The following LIPC variants were observed in gnomAD, a reference collection of about 807,000 sequenced individuals.
LIPC encodes lipase C, hepatic type.
Under a neutral mutation model 50.7 loss-of-function variants are expected in LIPC, and 44 were observed. The ratio of observed to expected loss-of-function variants is 0.87; its 90% CI spans 0.68 to 1.11. The LOEUF is 1.11. LIPC is among the 50% of genes most tolerant of loss of function. The probability of loss-of-function intolerance (pLI) is 0.00; values close to 1 mark genes in which losing one functional copy is unlikely to be tolerated. For synonymous variants in LIPC, 271 were observed against 256.4 expected (o/e 1.06, Z -0.54); for missense variants, 697 against 648.2 (o/e 1.08, Z -0.82).
At chr15:58,563,274 T>A (rs905215855) in intron 7 of LIPC, among the ~76,000 whole-genome samples, 1 of 152,212 alleles carries the variant, frequency 6.6e-6, no homozygotes, top group African/African-American at 2.4e-5. Context: ...GCCTTTTTGA[T>A]GTGTTAACCA....
At chr15:58,563,031 T>G (rs1369731482) in intron 7 of LIPC, among the ~76,000 whole-genome samples, 1 of 152,232 alleles carries the variant, frequency 6.6e-6, no homozygotes, top group South Asian at 2.1e-4. Context: ...CCTTTTTATG[T>G]GTAGTTTTTC....
At chr15:58,484,253 C>A (rs1481368345) in intron 1 of LIPC, among the ~76,000 whole-genome samples, 1 of 152,158 alleles carries the variant, frequency 6.6e-6, no homozygotes, top group Non-Finnish European at 1.5e-5. Flanking sequence ...TATTCCATTC[C>A]TACTCCATTT....
chr15:58,535,866 T>G (rs1346070917), intron 1 of LIPC, among the ~76,000 whole-genome samples: 2 of 152,212 alleles, frequency 1.3e-5, no homozygotes, highest in African/African-American at 2.4e-5. Flanking sequence ...AAAGGTGTAG[T>G]GTTTCAGTCT....
intron 1 of LIPC, among the ~76,000 whole-genome samples, chr15:58,531,318 C>A (rs1436754717): frequency 1.3e-5 from 2 of 152,192 alleles, no homozygotes; most frequent in Non-Finnish European, 2.9e-5. Flanking sequence ...TGAACCTACA[C>A]AGGGTGGAAT....
intron 3 of LIPC, 36 bp downstream of exon 3, chr15:58,542,003 C>T (rs777549184): frequency 3.2e-6 from 5 of 1,578,530 alleles, no homozygotes; most frequent in Non-Finnish European, 3.4e-6. Context: ...CACCTCCCTT[C>T]CCTCCTTTCC....
chr15:58,489,221 G>GT lies in LIPC; in HGVS notation c.89-49112_89-49111insT, dbSNP rs1464446857. On this transcript the variant is annotated intron_variant, in intron 1 of 8. Transcript: ENST00000299022. ...CATTAGGGATTCATTTTGTTGCGGG[G>GT]GCGGGGGGGCGGCTTACAAGCTTCC... Among the ~76,000 whole-genome samples the GT allele has an allele frequency of 2.3e-4, 23 of 100,566 alleles. 8 individuals carry two copies. In the East Asian group the frequency reaches 3.6e-3, roughly 16 times the overall value. The allele number at this position is 100,566 out of a possible 152,430, so 66.0% of individuals were successfully genotyped here.
At position 58,566,557 on chromosome 15, in the gene LIPC, G is replaced by A. The variant is rs117351632; in HGVS notation, c.1389-2159G>A. Reference sequence around the variant, plus strand: ...CATTAAACTCTACACTCGTAATATCGCTGCTAAGTGCAAGTGGGAAAAGAA... The same window carrying A: ...CATTAAACTCTACACTCGTAATATCACTGCTAAGTGCAAGTGGGAAAAGAA... On this transcript the variant is annotated intron_variant, in intron 8 of 8. Coordinates refer to ENST00000299022, the MANE Select transcript of LIPC (RefSeq NM_000236.3). 78 of 616,222 alleles carry A rather than the reference G, an allele frequency of 1.3e-4. No homozygotes were observed. The East Asian group carries it at 9.2e-3, about 72-fold the overall frequency. The allele number at this position is 616,222 out of a possible 1,614,324, so 38.2% of individuals were successfully genotyped here.
intron 1 of LIPC, among the ~76,000 whole-genome samples, chr15:58,439,958 G>A (rs1893447722): frequency 6.6e-6 from 1 of 151,994 alleles, no homozygotes; most frequent in African/African-American, 2.4e-5. Flanking sequence ...AACAACACGA[G>A]GCTACAGGGC....
chr15:58,518,917 C>CT (rs750263385), intron 1 of LIPC, among the ~76,000 whole-genome samples: 7 of 150,562 alleles, frequency 4.6e-5, no homozygotes, highest in Non-Finnish European at 1.0e-4. Context: ...ACTCACAGAG[C>CT]TATACACTTA....
rs1162586661 is a variant in LIPC at position 58,541,838 on chromosome 15, T to A, written c.327T>A (p.Ser109=). ...WIWQMVAALK[S]QPAQPVNVGL... ...GGCAGATGGTGGCCGCGCTGAAGTC[T>A]CAGCCGGCCCAGCCAGTGAACGTGG... The change falls in exon 3 of 9, where the codon TCT becomes TCA. Residue 109 remains serine (S), a synonymous_variant. Transcript: ENST00000299022. The A allele has an allele frequency of 1.9e-6, 3 of 1,613,038 alleles. No individual in the cohort carries two copies. Among genetic ancestry groups the A allele is most frequent in the African/African-American group, 2.7e-5 (2 of 74,914 alleles).
chr15:58,457,526 C>T (rs1312102572), intron 1 of LIPC, among the ~76,000 whole-genome samples: 1 of 152,216 alleles, frequency 6.6e-6, no homozygotes, highest in Non-Finnish European at 1.5e-5. Context: ...CAGCAGCAGT[C>T]CTTGTTTCTC....
At chr15:58,458,135 G>A (rs528943815) in intron 1 of LIPC, among the ~76,000 whole-genome samples, 119 of 150,122 alleles carry the variant, frequency 7.9e-4, no homozygotes, top group African/African-American at 2.0e-3. Context: ...ACCTGTTTCC[G>A]TTTTTTTACT....
At chr15:58,545,230 A>T (rs2140920408) in intron 4 of LIPC, among the ~76,000 whole-genome samples, 1 of 150,948 alleles carries the variant, frequency 6.6e-6, no homozygotes, top group East Asian at 1.9e-4. Context: ...TTCCCTCATA[A>T]CCTTATTCCT....
At chr15:58,453,749 A>G (rs929429014) in intron 1 of LIPC, among the ~76,000 whole-genome samples, 3 of 152,054 alleles carry the variant, frequency 2.0e-5, no homozygotes, top group Non-Finnish European at 2.9e-5. Context: ...AAGTAAAAAA[A>G]AATCAGCCAG....
At chr15:58,517,159 T>A (rs148661882) in intron 1 of LIPC, among the ~76,000 whole-genome samples, 11 of 152,364 alleles carry the variant, frequency 7.2e-5, no homozygotes, top group South Asian at 2.1e-4. Flanking sequence ...CTTCAACAAT[T>A]GTGTTTGAGT....
At chr15:58,456,627 C>T (rs1249041097) in intron 1 of LIPC, among the ~76,000 whole-genome samples, 1 of 152,246 alleles carries the variant, frequency 6.6e-6, no homozygotes, top group Non-Finnish European at 1.5e-5. Context: ...AATGCTAAGG[C>T]CTCCTGCCCC....
intron 1 of LIPC, among the ~76,000 whole-genome samples, chr15:58,443,524 G>T (rs1595850870): frequency 6.6e-6 from 1 of 152,214 alleles, no homozygotes; most frequent in African/African-American, 2.4e-5. Flanking sequence ...GGTCACCAGG[G>T]ATATTTCGAA....
chr15:58,564,984 T>G (rs7163112), intron 8 of LIPC, among the ~76,000 whole-genome samples: 148,458 of 152,226 alleles, frequency 0.98, 72,501 homozygotes, highest in East Asian at 1. Flanking sequence ...CTTGTCCTCA[T>G]AGAGGTGGAA....
At chr15:58,466,105 G>A (rs1278070779) in intron 1 of LIPC, among the ~76,000 whole-genome samples, 1 of 152,186 alleles carries the variant, frequency 6.6e-6, no homozygotes, top group Non-Finnish European at 1.5e-5. Context: ...TCCTGTCTGT[G>A]TAATTTATTA....
Sources: gnomAD v4.1 joint callset for allele counts (sites outside exome capture counted in the v4.1 genomes callset) on GRCh38, gnomAD v4.1.1 for gene constraint, MANE v1.5 for transcripts, NCBI Gene and HGNC (gene_info 2026-07-23, HGNC 2026-07-21) for gene names.